Variants in SAP130 observed in about 807,000 individuals in gnomAD.
SAP130 encodes histone deacetylase complex subunit SAP130.
A neutral mutation model predicts 103.2 loss-of-function variants in SAP130; 16 were observed. That is an observed-to-expected ratio of 0.16 (90% CI 0.10 to 0.24). SAP130 has a LOEUF of 0.24. Ranked by LOEUF, SAP130 falls within the 10% of genes least tolerant of loss-of-function variation. SAP130 has a pLI of 1.00. For missense variants in SAP130, 990 were observed against 1,359.7 expected (o/e 0.73, Z 4.28); for synonymous variants, 477 against 497.0 (o/e 0.96, Z 0.53).
chr2:128,010,585 A>G (rs72841726), intron 6 of SAP130, among the ~76,000 whole-genome samples, 192 bp from the exon 7 acceptor site: 43,028 of 152,084 alleles, frequency 0.28, 6,794 homozygotes, highest in African/African-American at 0.44. Context: ...CAGGCCGGGC[A>G]CGGTGGCTCA....
At chr2:128,010,132 G>A in intron 7 of SAP130, 137 bp downstream of exon 7, 1 of 830,026 alleles carries the variant, frequency 1.2e-6, no homozygotes, top group Non-Finnish European at 1.7e-6. Flanking sequence ...TTAGCCCCAG[G>A]ATTTAGAACA....
At chr2:128,021,408 C>A (rs1369247484) in intron 2 of SAP130, among the ~76,000 whole-genome samples, 1 of 147,926 alleles carries the variant, frequency 6.8e-6, no homozygotes, top group Non-Finnish European at 1.5e-5. Context: ...GATCGCGCCA[C>A]TGCACTACAG....
chr2:128,021,759 C>A (rs972016338), intron 2 of SAP130, among the ~76,000 whole-genome samples: 1 of 146,086 alleles, frequency 6.8e-6, no homozygotes, highest in Non-Finnish European at 1.5e-5. Context: ...TAGCAGTATA[C>A]AAGCTGCTCC....
chr2:127,991,459 C>A (rs1300111662), intron 12 of SAP130, among the ~76,000 whole-genome samples: 1 of 152,010 alleles, frequency 6.6e-6, no homozygotes, highest in East Asian at 1.9e-4. Flanking sequence ...CCTGCCTCAG[C>A]CTCCCAAGCA....
intron 5 of SAP130, among the ~76,000 whole-genome samples, chr2:128,014,256 GCT>G (rs1559099281): frequency 6.6e-6 from 1 of 151,264 alleles, no homozygotes. Context: ...ACAGGTTCTC[GCT>G]CTGTCACCCA....
chr2:127,992,179 C>T (rs1225984975), intron 12 of SAP130, among the ~76,000 whole-genome samples: 1 of 151,994 alleles, frequency 6.6e-6, no homozygotes, highest in Non-Finnish European at 1.5e-5. Flanking sequence ...CTTATATTGC[C>T]CAGGCTGGTC....
In SAP130 at chr2:127,986,835, C is replaced by T; in HGVS notation, c.1908G>A (p.Gln636=). 6.2e-7 allele frequency: 1 copy of T among 1,614,226 alleles called. No individual in the cohort carries two copies. The highest frequency in any genetic ancestry group is 8.5e-7 in the Non-Finnish European group (1 of 1,180,040). ...SQSASTNAPA[Q]GSSPRPSILR... ...GTATGCTTGGCCGTGGCGATGAGCC[C>T]TGGGCGGGAGCGTTGGTGCTAGCAC... The change falls in exon 14 of 21, where the codon CAG becomes CAA. Residue 636 remains glutamine (Q), a synonymous_variant. Transcript: ENST00000643581. This position sits in a 1 kb window ranked among gnomAD's most constrained non-coding sequence, Gnocchi z 4.7.
intron 11 of SAP130, among the ~76,000 whole-genome samples, chr2:127,994,396 G>A (rs1486323384): frequency 6.6e-6 from 1 of 152,132 alleles, no homozygotes; most frequent in Non-Finnish European, 1.5e-5. Context: ...TTCAAGACCA[G>A]CCTGGCCAAC....
Position 127,983,833 on chromosome 2 carries a change from T to G in SAP130, c.1958+2952A>C, listed in dbSNP as rs866926884. Among the ~76,000 whole-genome samples, 55 of 126,408 alleles carry G rather than the reference T, an allele frequency of 4.4e-4. 2 individuals are homozygous for G. In the South Asian group the frequency reaches 0.01, roughly 23 times the overall value. The allele number at this position is 126,408 out of a possible 152,430, so 82.9% of individuals were successfully genotyped here. ...TTCTATTACTTTGTTGTTTTTTTTT[T>G]TTTTTTTTTTTTTAAACATTTATCT... On this transcript the variant is annotated intron_variant, in intron 14 of 20. Transcript: ENST00000643581.
At chr2:127,959,449 T>G (rs552999298) in intron 15 of SAP130, among the ~76,000 whole-genome samples, 1 of 152,330 alleles carries the variant, frequency 6.6e-6, no homozygotes, top group African/African-American at 2.4e-5. Context: ...CAGGTTGTAA[T>G]GAGAGACCTC....
intron 4 of SAP130, among the ~76,000 whole-genome samples, chr2:128,015,257 T>C (rs967999375): frequency 1.3e-5 from 2 of 152,228 alleles, no homozygotes; most frequent in African/African-American, 4.8e-5. Context: ...TTTCCCATTC[T>C]CACTATTTCC....
chr2:128,016,992 C>A (rs533308773), intron 3 of SAP130, among the ~76,000 whole-genome samples: 1 of 152,350 alleles, frequency 6.6e-6, no homozygotes, highest in Admixed American at 6.5e-5. Context: ...AGTGCCACTC[C>A]ACTTGGTCCC....
At chr2:128,016,708 T>C (rs941296951) in intron 3 of SAP130, among the ~76,000 whole-genome samples, 161 bp from the exon 4 acceptor site, 1 of 152,226 alleles carries the variant, frequency 6.6e-6, no homozygotes, top group Non-Finnish European at 1.5e-5. Context: ...TCCACTGAAG[T>C]ACTAGCATTT....
chr2:127,946,026 C>A (rs1039093033), intron 18 of SAP130, among the ~76,000 whole-genome samples: 1 of 152,172 alleles, frequency 6.6e-6, no homozygotes, highest in East Asian at 1.9e-4. Flanking sequence ...GCTGCTTACT[C>A]CCCTCCTTTA....
intron 15 of SAP130, among the ~76,000 whole-genome samples, chr2:127,963,002 T>C (rs927332421): frequency 7.3e-6 from 1 of 136,512 alleles, no homozygotes; most frequent in Non-Finnish European, 1.6e-5. Flanking sequence ...TGTATATAAA[T>C]GTCTGAAAAA....
chr2:128,014,618 T>G (rs946261390), intron 5 of SAP130, among the ~76,000 whole-genome samples, 185 bp downstream of exon 5: 2 of 152,218 alleles, frequency 1.3e-5, no homozygotes, highest in Non-Finnish European at 2.9e-5. Context: ...TTTATAGACA[T>G]GAACCGCAGC....
intron 7 of SAP130, among the ~76,000 whole-genome samples, chr2:128,001,863 A>G (rs1683584803): frequency 6.6e-6 from 1 of 152,224 alleles, no homozygotes; most frequent in South Asian, 2.1e-4. Flanking sequence ...AACCAAAACA[A>G]AACTGTAATG....
intron 10 of SAP130, among the ~76,000 whole-genome samples, chr2:127,997,942 T>C (rs997833399): frequency 6.6e-6 from 1 of 152,036 alleles, no homozygotes; most frequent in East Asian, 1.9e-4. Flanking sequence ...GGTGAAACCC[T>C]GTTTCTACTA....
chr2:128,005,162 T>C (rs72841724), intron 7 of SAP130, among the ~76,000 whole-genome samples: 4 of 152,210 alleles, frequency 2.6e-5, no homozygotes, highest in Admixed American at 6.5e-5. Context: ...AGACAAAATA[T>C]ATGGGCAGAG....
Sources: allele counts gnomAD v4.1 joint callset (sites outside exome capture counted in the v4.1 genomes callset), GRCh38; gene constraint gnomAD v4.1.1; non-coding constraint Gnocchi (gnomAD v3.1); transcripts MANE v1.5; gene names NCBI Gene and HGNC (gene_info 2026-07-23, HGNC 2026-07-21).